NDUFAF6: variants seen among roughly 807,000 people sequenced by gnomAD.
NDUFAF6 encodes the protein NADH dehydrogenase (ubiquinone) complex I, assembly factor 6.
Under a neutral mutation model 40.8 loss-of-function variants are expected in NDUFAF6, and 45 were observed. That is an observed-to-expected ratio of 1.10 (90% CI 0.87 to 1.42). The LOEUF is 1.42. NDUFAF6 is among the 40% of genes most tolerant of loss of function. NDUFAF6 has a pLI of 0.00. For synonymous variants in NDUFAF6, 185 were observed against 155.9 expected (o/e 1.19, Z -1.39); for missense variants, 435 against 418.5 (o/e 1.04, Z -0.34).
intron 1 of NDUFAF6, among the ~76,000 whole-genome samples, chr8:94,933,842 G>GC (rs963875109): frequency 2.0e-5 from 3 of 148,090 alleles, no homozygotes; most frequent in African/African-American, 7.5e-5. Flanking sequence ...TGTGGGGGGG[G>GC]GGGGAGGATC....
intron 1 of NDUFAF6, among the ~76,000 whole-genome samples, chr8:94,900,186 CTCTT>C (rs2131165742): frequency 6.6e-6 from 1 of 152,022 alleles, no homozygotes; most frequent in African/African-American, 2.4e-5. Flanking sequence ...CAGGGGCTGT[CTCTT>C]TCAGGGCTGG....
chr8:95,022,240 C>T (rs1468990885), upstream of NDUFAF6, among the ~76,000 whole-genome samples: 2 of 151,774 alleles, frequency 1.3e-5, no homozygotes, highest in Admixed American at 6.6e-5. Context: ...AAAATACCTT[C>T]AGAATTATTT....
At chr8:94,985,507 ATATATATATTTTTTTTTTT>A in intron 2 of NDUFAF6, among the ~76,000 whole-genome samples, 1 of 6,106 alleles carries the variant, frequency 1.6e-4, no homozygotes, top group East Asian at 5.0e-3. Context: ...ATATATATAT[ATATATATATTTTTTTTTTT>A]TTTTTTTTTT....
intron 7 of NDUFAF6, among the ~76,000 whole-genome samples, chr8:95,049,847 T>G (rs560203434): frequency 7.2e-4 from 109 of 152,206 alleles, no homozygotes; most frequent in Non-Finnish European, 6.6e-4. Context: ...CATTGGAATG[T>G]AAGTTACTTT....
At chr8:95,064,101 A>G (rs1832641998) in intron 9 of NDUFAF6, among the ~76,000 whole-genome samples, 1 of 135,522 alleles carries the variant, frequency 7.4e-6, no homozygotes, top group Non-Finnish European at 1.5e-5. Context: ...CGTGTTAGCC[A>G]GGATGGTCTC....
intron 4 of NDUFAF6, among the ~76,000 whole-genome samples, chr8:95,113,874 G>GA (rs1810065886): frequency 6.6e-6 from 1 of 151,894 alleles, no homozygotes; most frequent in East Asian, 1.9e-4. Flanking sequence ...GATGAAATTG[G>GA]AAACCATCAT....
intron 1 of NDUFAF6, chr8:94,940,093 A>C: frequency 1.9e-6 from 3 of 1,614,240 alleles, no homozygotes; most frequent in Non-Finnish European, 2.5e-6. Flanking sequence ...AGCAGGAATC[A>C]CTTGTATCAG....
At chr8:94,957,586 C>G (rs1823189410), upstream of NDUFAF6, among the ~76,000 whole-genome samples, 1 of 152,262 alleles carries the variant, frequency 6.6e-6, no homozygotes, top group East Asian at 1.9e-4. Flanking sequence ...ACAATGAGAA[C>G]AGTGAGGTGG....
At chr8:94,931,457 T>C (rs915301028) in intron 1 of NDUFAF6, among the ~76,000 whole-genome samples, 1 of 152,094 alleles carries the variant, frequency 6.6e-6, no homozygotes, top group African/African-American at 2.4e-5. Flanking sequence ...AAAAAGCTAA[T>C]CAAGTAGGAT....
chr8:94,989,257 C>A (rs1284549156), intron 2 of NDUFAF6: 1 of 152,150 alleles, frequency 6.6e-6, no homozygotes, highest in Non-Finnish European at 1.5e-5. Context: ...ATAAGAAAAC[C>A]ACTTAAAACT....
At chr8:95,075,017 C>G (rs1473329925) in intron 9 of NDUFAF6, among the ~76,000 whole-genome samples, 2 of 152,138 alleles carry the variant, frequency 1.3e-5, no homozygotes, top group Non-Finnish European at 2.9e-5. Flanking sequence ...AACATTATTT[C>G]TCAATTGGTA....
chr8:94,906,060 C>T (rs9643352), intron 1 of NDUFAF6, among the ~76,000 whole-genome samples: 94,558 of 152,048 alleles, frequency 0.62, 30,113 homozygotes, highest in East Asian at 0.79. Flanking sequence ...GGTTCAAGGG[C>T]GGCACATCTC....
chr8:95,086,573 CT>C (rs1809048952), intron 2 of NDUFAF6, among the ~76,000 whole-genome samples: 1 of 150,918 alleles, frequency 6.6e-6, no homozygotes, highest in Admixed American at 6.7e-5. Flanking sequence ...TCCCTCCTTC[CT>C]CTTGTCTCTC....
At chr8:94,956,380 A>G (rs1823074175), upstream of NDUFAF6, among the ~76,000 whole-genome samples, 1 of 152,132 alleles carries the variant, frequency 6.6e-6, no homozygotes, top group Admixed American at 6.5e-5. Context: ...GTGAAGCTCT[A>G]ATCAGTGACT....
chr8:95,002,768 G>A (rs192217146), intron 2 of NDUFAF6, among the ~76,000 whole-genome samples: 3 of 152,264 alleles, frequency 2.0e-5, no homozygotes, highest in African/African-American at 7.2e-5. Flanking sequence ...TGTATTTGTC[G>A]AGACCCTGCT....
At chr8:94,962,675 C>G (rs1471051131) in intron 1 of NDUFAF6, among the ~76,000 whole-genome samples, 3 of 151,058 alleles carry the variant, frequency 2.0e-5, no homozygotes, top group Non-Finnish European at 2.9e-5. Context: ...TACAGTGGTG[C>G]GACCATAGCT....
At chr8:94,983,977 C>T (rs904973969) in intron 2 of NDUFAF6, 2 of 152,164 alleles carry the variant, frequency 1.3e-5, no homozygotes, top group Admixed American at 1.3e-4. Flanking sequence ...CTGTATTTGC[C>T]TGTCTGTCTC....
intron 2 of NDUFAF6, among the ~76,000 whole-genome samples, chr8:94,990,316 G>T (rs930978674): frequency 6.6e-6 from 1 of 152,172 alleles, no homozygotes; most frequent in Non-Finnish European, 1.5e-5. Context: ...CAGCCTTGGG[G>T]AGAAGCAACC....
At chr8:94,935,089 C>CA (rs1554630932) in intron 1 of NDUFAF6, among the ~76,000 whole-genome samples, 1 of 149,836 alleles carries the variant, frequency 6.7e-6, no homozygotes, top group Non-Finnish European at 1.5e-5. Context: ...AAACAGGAAA[C>CA]GGTAGGTAGG....
Sources: allele counts gnomAD v4.1 joint callset (sites outside exome capture counted in the v4.1 genomes callset), GRCh38; gene constraint gnomAD v4.1.1; transcripts MANE v1.5; gene names NCBI Gene and HGNC (gene_info 2026-07-23, HGNC 2026-07-21).